Variants in TFDP2 observed in about 807,000 individuals in gnomAD.
The protein encoded by TFDP2 is transcription factor Dp-2 (E2F dimerization partner 2).
In TFDP2, 17 loss-of-function variants were observed where a neutral mutation model predicts 59.3. The observed-to-expected ratio is 0.29, with a 90% CI of 0.20 to 0.43. The LOEUF is 0.43. TFDP2 is among the 20% of genes least tolerant of loss of function. The pLI is 1.00. For synonymous variants in TFDP2, 180 were observed against 194.7 expected (o/e 0.92, Z 0.63); for missense variants, 391 against 528.8 (o/e 0.74, Z 2.56).
chr3:141,953,922 G>C (rs1164164333), intron 11 of TFDP2, among the ~76,000 whole-genome samples: 1 of 151,862 alleles, frequency 6.6e-6, no homozygotes, highest in Admixed American at 6.6e-5. Flanking sequence ...TATAATCCCA[G>C]CATTTTGGGA....
At chr3:142,075,691 T>C (rs1008973458) in intron 3 of TFDP2, among the ~76,000 whole-genome samples, 1 of 137,824 alleles carries the variant, frequency 7.3e-6, no homozygotes, top group African/African-American at 2.8e-5. Flanking sequence ...AGACCAGGAG[T>C]TCAAGACAAG....
At chr3:142,111,825 G>C (rs889199511) in intron 1 of TFDP2, among the ~76,000 whole-genome samples, 2 of 152,092 alleles carry the variant, frequency 1.3e-5, no homozygotes, top group Non-Finnish European at 2.9e-5. Flanking sequence ...CAGCACTTTG[G>C]GGGGCTGAGG....
chr3:141,999,600 C>T (rs939369241), intron 4 of TFDP2, among the ~76,000 whole-genome samples: 7 of 152,194 alleles, frequency 4.6e-5, no homozygotes, highest in Non-Finnish European at 8.8e-5. Context: ...TCCATAACCA[C>T]ACAAAACTTT....
chr3:142,005,425 T>C lies in TFDP2; in HGVS notation c.186+16A>G, dbSNP rs1357830834. 4.5e-6 allele frequency: 7 copies of C among 1,547,134 alleles called. No individual in the cohort carries two copies. The highest frequency in any genetic ancestry group is 1.8e-5 in the Admixed American group (1 of 57,084). On this transcript the variant is annotated intron_variant, in intron 4 of 12. Transcript: ENST00000489671. The stretch of plus-strand genomic sequence containing the variant: ...CTAAACAAAGTTTCAATTCTAAGAT[T>C]TGATAATTTTCTTACCATTTGGGGT...
intron 4 of TFDP2, among the ~76,000 whole-genome samples, chr3:141,997,882 GA>G (rs1206243125): frequency 2.0e-5 from 3 of 149,820 alleles, no homozygotes; most frequent in East Asian, 1.9e-4. Context: ...AGAAAGAAAG[GA>G]AAAAAAGAGA....
At chr3:141,973,057 C>T (rs1940002966) in intron 8 of TFDP2, among the ~76,000 whole-genome samples, 1 of 143,534 alleles carries the variant, frequency 7.0e-6, no homozygotes, top group Non-Finnish European at 1.5e-5. Flanking sequence ...CTGAGAAAAA[C>T]AGGAAACCAA....
chr3:142,042,104 T>C lies in TFDP2; in HGVS notation c.83-36560A>G, dbSNP rs551287037. On this transcript the variant is annotated intron_variant, in intron 3 of 12. Transcript: ENST00000489671. ...AATCAGGTAATGTGAGTCTTAGATA[T>C]GGTTTTTGACAATTCCTGAGTCTAT... 7.9e-5 allele frequency among the ~76,000 whole-genome samples: 12 copies of C among 152,340 alleles called. No homozygotes were observed. The South Asian group carries it at 2.3e-3, about 29-fold the overall frequency.
intron 3 of TFDP2, among the ~76,000 whole-genome samples, chr3:142,021,329 G>C (rs1442384558): frequency 2.0e-5 from 3 of 152,126 alleles, no homozygotes. Context: ...AATCTGACAC[G>C]CACATTCCTA....
At chr3:142,139,833 C>G (rs541073256) in intron 1 of TFDP2, among the ~76,000 whole-genome samples, 12 of 152,240 alleles carry the variant, frequency 7.9e-5, no homozygotes, top group African/African-American at 2.9e-4. Context: ...GTGAATCTGA[C>G]AGTTATGTAT....
chr3:141,987,946 A>AAAAAAAAAAAAAG, intron 6 of TFDP2, among the ~76,000 whole-genome samples: 1 of 151,420 alleles, frequency 6.6e-6, no homozygotes, highest in Admixed American at 6.6e-5. Flanking sequence ...CTCAAAAAAA[A>AAAAAAAAAAAAAG]AAGAAAAGAA....
intron 3 of TFDP2, among the ~76,000 whole-genome samples, chr3:142,053,365 A>G (rs1044189570): frequency 6.6e-6 from 1 of 151,856 alleles, no homozygotes; most frequent in Non-Finnish European, 1.5e-5. Context: ...ACCTCCCTCC[A>G]TCTCTCTTGC....
chr3:141,955,688 G>A (rs573267460), intron 11 of TFDP2, among the ~76,000 whole-genome samples: 4 of 152,198 alleles, frequency 2.6e-5, no homozygotes, highest in Non-Finnish European at 5.9e-5. Context: ...GCTTACATTG[G>A]ATTTAATGTA....
intron 2 of TFDP2, among the ~76,000 whole-genome samples, chr3:142,095,195 G>C (rs1251032964): frequency 6.6e-6 from 1 of 152,050 alleles, no homozygotes; most frequent in African/African-American, 2.4e-5. Context: ...TCACCATGTT[G>C]GTCAGGCTGG....
chr3:142,000,289 C>T (rs1238595067), intron 4 of TFDP2: 1 of 702,560 alleles, frequency 1.4e-6, no homozygotes, highest in African/African-American at 1.7e-5. Flanking sequence ...AATGAAAGTG[C>T]CGGCAGATTC....
At chr3:141,977,990 G>A (rs929718864) in intron 7 of TFDP2, among the ~76,000 whole-genome samples, 9 of 150,940 alleles carry the variant, frequency 6.0e-5, no homozygotes, top group African/African-American at 1.9e-4. Context: ...GATTACAGGC[G>A]TGAGCCACCG....
intron 3 of TFDP2, among the ~76,000 whole-genome samples, chr3:142,030,829 G>A (rs1351182749): frequency 1.5e-5 from 2 of 135,894 alleles, no homozygotes; most frequent in East Asian, 2.2e-4. Context: ...TGCAAGCTCC[G>A]CCTCCCGGGT....
chr3:142,098,013 G>C (rs1226548717), intron 2 of TFDP2, among the ~76,000 whole-genome samples: 13 of 152,008 alleles, frequency 8.6e-5, no homozygotes, highest in Non-Finnish European at 1.5e-5. Flanking sequence ...GGCTGGTCTC[G>C]AACTCCTGAC....
At chr3:142,142,122 T>C (rs1210183030) in intron 1 of TFDP2, among the ~76,000 whole-genome samples, 4 of 152,116 alleles carry the variant, frequency 2.6e-5, no homozygotes, top group East Asian at 3.9e-4. Context: ...CAGAAAGATA[T>C]AAAGGGCACC....
chr3:141,968,675 ATC>A (rs1478604656), intron 9 of TFDP2, among the ~76,000 whole-genome samples: 2 of 109,384 alleles, frequency 1.8e-5, no homozygotes, highest in African/African-American at 3.8e-5. Flanking sequence ...ACACATATAT[ATC>A]TCATATATAG....
Sources: allele counts gnomAD v4.1 joint callset (sites outside exome capture counted in the v4.1 genomes callset), GRCh38; gene constraint gnomAD v4.1.1; transcripts MANE v1.5; gene names NCBI Gene and HGNC (gene_info 2026-07-23, HGNC 2026-07-21).